Variants in SLC25A16 observed in about 807,000 individuals in gnomAD.
SLC25A16 encodes the protein mitochondrial coenzyme A transporter SLC25A16.
A neutral mutation model predicts 41.5 loss-of-function variants in SLC25A16; 39 were observed. That is an observed-to-expected ratio of 0.94 (90% CI 0.73 to 1.23). The LOEUF is 1.23. SLC25A16 is among the 50% of genes most tolerant of loss of function. SLC25A16 has a pLI of 0.00. For synonymous variants in SLC25A16, 146 were observed against 147.8 expected (o/e 0.99, Z 0.09); for missense variants, 421 against 426.9 (o/e 0.99, Z 0.12).
At chr10:68,515,716 T>C (rs1401957786) in intron 2 of SLC25A16, among the ~76,000 whole-genome samples, 1 of 152,086 alleles carries the variant, frequency 6.6e-6, no homozygotes, top group African/African-American at 2.4e-5. Flanking sequence ...GAGAATCGCT[T>C]GAACCTGGGA....
At chr10:68,498,168 C>T (rs1199489984) in intron 4 of SLC25A16, among the ~76,000 whole-genome samples, 1 of 152,122 alleles carries the variant, frequency 6.6e-6, no homozygotes, top group Non-Finnish European at 1.5e-5. Flanking sequence ...GACTCAAATT[C>T]TATTAATCAG....
chr10:68,525,719 A>G (rs1303826975), intron 1 of SLC25A16, among the ~76,000 whole-genome samples: 1 of 151,924 alleles, frequency 6.6e-6, no homozygotes, highest in East Asian at 2.0e-4. Flanking sequence ...TCTGTGTAGA[A>G]AGAAGTAGAC....
rs575631743 is a variant in SLC25A16 at position 68,500,002 on chromosome 10, G to A, written c.421+3630C>T. 8.7e-5 allele frequency: 34 copies of A among 390,266 alleles called. 1 individual carries two copies. The highest frequency in any genetic ancestry group is 5.3e-4 in the South Asian group (18 of 33,946). 24.2% of individuals were successfully genotyped at this position (390,266 alleles called of 1,614,324 possible). Reference sequence around the variant, plus strand: ...TATATACAAGCTTTGATAAAAACTCGAAATAAAAAAAAGAAAATACAAACC... The same window carrying A: ...TATATACAAGCTTTGATAAAAACTCAAAATAAAAAAAAGAAAATACAAACC... On this transcript the variant is annotated intron_variant, in intron 4 of 8. Coordinates refer to ENST00000609923, the MANE Select transcript of SLC25A16 (RefSeq NM_152707.4).
intron 2 of SLC25A16, among the ~76,000 whole-genome samples, chr10:68,511,400 T>G (rs2053060991): frequency 6.6e-6 from 1 of 152,134 alleles, no homozygotes; most frequent in Non-Finnish European, 1.5e-5. Context: ...CCTTGTAGGG[T>G]ATACTGTAAC....
At chr10:68,522,178 A>G (rs543650067) in intron 1 of SLC25A16, among the ~76,000 whole-genome samples, 20 of 152,160 alleles carry the variant, frequency 1.3e-4, no homozygotes, top group African/African-American at 4.6e-4. Context: ...AAAAAAAGAA[A>G]AAAGAAAAGA....
intron 2 of SLC25A16, among the ~76,000 whole-genome samples, chr10:68,512,819 A>C (rs1056636064): frequency 1.3e-5 from 2 of 151,416 alleles, no homozygotes; most frequent in Non-Finnish European, 2.9e-5. Context: ...GGATGGATCA[A>C]CTGAGGTCAG....
rs146775160 is a variant in SLC25A16, at chr10:68,523,045, C to T, written c.130+4201G>A. On this transcript the variant is annotated intron_variant, in intron 1 of 8. Coordinates refer to ENST00000609923, the MANE Select transcript of SLC25A16 (RefSeq NM_152707.4). ...TATATCTTGACTATGGTGGTCATTA[C>T]ACAACATGTTTGTCAAAGTGCATTT... Among the ~76,000 whole-genome samples the T allele has an allele frequency of 4.8e-3, 726 of 152,234 alleles. 24 individuals are homozygous for T. The highest frequency in any genetic ancestry group is 0.045 in the Admixed American group (680 of 15,242).
At chr10:68,496,250 A>G (rs1234905680) in intron 4 of SLC25A16, among the ~76,000 whole-genome samples, 1 of 152,174 alleles carries the variant, frequency 6.6e-6, no homozygotes, top group Non-Finnish European at 1.5e-5. Context: ...TGCTGCTAGT[A>G]ATCAGACTGA....
chr10:68,507,433 C>T (rs185915834), intron 2 of SLC25A16, among the ~76,000 whole-genome samples: 2 of 152,112 alleles, frequency 1.3e-5, no homozygotes, highest in East Asian at 1.9e-4. Flanking sequence ...TACCCAGATA[C>T]ATGTGTTTTG....
intron 2 of SLC25A16, among the ~76,000 whole-genome samples, chr10:68,513,314 CAGG>C (rs928336419): frequency 2.0e-5 from 3 of 148,734 alleles, no homozygotes; most frequent in African/African-American, 7.4e-5. Context: ...GAGGCTGACA[CAGG>C]AGAACTGCTT....
chr10:68,511,903 C>T (rs748432017), intron 2 of SLC25A16, among the ~76,000 whole-genome samples: 11 of 151,904 alleles, frequency 7.2e-5, no homozygotes, highest in East Asian at 3.9e-4. Context: ...ATCGCCCAGG[C>T]TGGAGTACAG....
chr10:68,493,914 G>A (rs964380990), intron 4 of SLC25A16, among the ~76,000 whole-genome samples: 6 of 152,044 alleles, frequency 3.9e-5, no homozygotes, highest in African/African-American at 9.7e-5. Flanking sequence ...AACACAGTAG[G>A]CTCTCCTGAT....
intron 4 of SLC25A16, among the ~76,000 whole-genome samples, chr10:68,498,323 CTTTTTTTT>C (rs55736260): frequency 1.4e-5 from 2 of 140,296 alleles, no homozygotes; most frequent in East Asian, 4.1e-4. Flanking sequence ...TTAACTTTTT[CTTTTTTTT>C]TTTTTTTGAG....
intron 1 of SLC25A16, among the ~76,000 whole-genome samples, chr10:68,521,264 TGTG>T (rs2053245349): frequency 6.6e-6 from 1 of 151,882 alleles, no homozygotes; most frequent in Non-Finnish European, 1.5e-5. Context: ...ACCGGCCGGC[TGTG>T]GTGGTTAATG....
intron 1 of SLC25A16, among the ~76,000 whole-genome samples, chr10:68,520,863 T>C (rs1006334552): frequency 1.3e-5 from 2 of 148,588 alleles, no homozygotes; most frequent in Non-Finnish European, 3.0e-5. Context: ...GGGCCAGGCA[T>C]GGTGCCTCAC....
At chr10:68,501,339 G>C (rs988715282) in intron 4 of SLC25A16, among the ~76,000 whole-genome samples, 4 of 152,064 alleles carry the variant, frequency 2.6e-5, no homozygotes, top group Non-Finnish European at 5.9e-5. Flanking sequence ...ATAAATCATA[G>C]AGCTTTCCTC....
intron 8 of SLC25A16, 110 bp downstream of exon 8, chr10:68,487,034 G>A (rs1338574530): frequency 2.8e-6 from 2 of 718,586 alleles, no homozygotes; most frequent in Non-Finnish European, 4.7e-6. Context: ...TAAACTTCGG[G>A]AGATAAAACG....
intron 6 of SLC25A16, 130 bp downstream of exon 6, chr10:68,493,002 A>T (rs979059154): frequency 4.7e-6 from 3 of 644,880 alleles, no homozygotes; most frequent in Non-Finnish European, 5.5e-6. Context: ...TTATGTGACC[A>T]TCCATAAATC....
chr10:68,516,933 T>A, intron 1 of SLC25A16, 90 bp from the exon 2 acceptor site: 1 of 1,126,342 alleles, frequency 8.9e-7, no homozygotes, highest in South Asian at 1.4e-5. Flanking sequence ...AACCCTCTAA[T>A]CTCTAATTCA....
Sources: allele counts gnomAD v4.1 joint callset (sites outside exome capture counted in the v4.1 genomes callset), GRCh38; gene constraint gnomAD v4.1.1; transcripts MANE v1.5; gene names NCBI Gene and HGNC (gene_info 2026-07-23, HGNC 2026-07-21).